Variants in GPC5 observed in about 807,000 individuals in gnomAD.
The protein encoded by GPC5 is glypican-5.
Under a neutral mutation model 53.9 loss-of-function variants are expected in GPC5, and 47 were observed. That is an observed-to-expected ratio of 0.87 (90% CI 0.69 to 1.11). GPC5 has a LOEUF of 1.11. GPC5 is among the 50% of genes most tolerant of loss of function. GPC5 has a pLI of 0.00. For missense variants in GPC5, 748 were observed against 713.1 expected (o/e 1.05, Z -0.56); for synonymous variants, 286 against 263.3 (o/e 1.09, Z -0.84).
Position 91,448,810 on chromosome 13 carries a change from G to A in GPC5, c.213G>A (p.Arg71=), listed in dbSNP as rs773909450. The change falls in exon 2 of 8, where the codon AGG becomes AGA. Residue 71 remains arginine, a synonymous_variant. Coordinates refer to ENST00000377067, the MANE Select transcript of GPC5 (RefSeq NM_004466.6). ...CISKKPTCCT[R]KMEERYQIAA... ...CCAAAAAGCCTACATGTTGCACCAG[G>A]AAGATGGAGGAGAGATATCAGATTG... 3 of 1,613,770 alleles carry A rather than the reference G, an allele frequency of 1.9e-6. No homozygotes were observed. The highest frequency in any genetic ancestry group is 1.7e-6 in the Non-Finnish European group (2 of 1,179,788).
chr13:92,270,813 T>C (rs2042834564), intron 7 of GPC5, among the ~76,000 whole-genome samples: 1 of 152,170 alleles, frequency 6.6e-6, no homozygotes, highest in Non-Finnish European at 1.5e-5. Flanking sequence ...AAAGCTAAAC[T>C]CCTTTTTAAA....
intron 7 of GPC5, among the ~76,000 whole-genome samples, chr13:92,694,877 C>T (rs1330397243): frequency 6.6e-6 from 1 of 152,180 alleles, no homozygotes; most frequent in African/African-American, 2.4e-5. Flanking sequence ...CCATCTCCTA[C>T]TGTAATCCCC....
chr13:92,429,831 A>T (rs935916535), intron 7 of GPC5, among the ~76,000 whole-genome samples: 1 of 152,274 alleles, frequency 6.6e-6, no homozygotes, highest in East Asian at 1.9e-4. Context: ...GCGTAATACT[A>T]ATTTTTTTAC....
chr13:92,426,159 T>C (rs1481188508), intron 7 of GPC5, among the ~76,000 whole-genome samples: 1 of 152,106 alleles, frequency 6.6e-6, no homozygotes, highest in Non-Finnish European at 1.5e-5. Context: ...GTTCATTTTA[T>C]TTAGAGAATA....
chr13:92,169,984 T>A (rs777968264), intron 7 of GPC5, among the ~76,000 whole-genome samples: 1 of 151,996 alleles, frequency 6.6e-6, no homozygotes, highest in Non-Finnish European at 1.5e-5. Flanking sequence ...CACATTCTTA[T>A]AATCAATAGC....
intron 7 of GPC5, among the ~76,000 whole-genome samples, chr13:92,393,280 T>TA (rs548136531): frequency 1.5e-4 from 23 of 151,624 alleles, no homozygotes; most frequent in East Asian, 5.8e-4. Context: ...CATTATTCTT[T>TA]AAAAAAAAAC....
intron 7 of GPC5, among the ~76,000 whole-genome samples, chr13:92,637,092 G>A (rs1201853575): frequency 2.0e-5 from 3 of 152,142 alleles, no homozygotes; most frequent in East Asian, 3.9e-4. Flanking sequence ...CCTTGGTTAC[G>A]ACCCCCAAAA....
chr13:91,528,561 T>C (rs1886192670), intron 2 of GPC5, among the ~76,000 whole-genome samples: 1 of 152,222 alleles, frequency 6.6e-6, no homozygotes. Flanking sequence ...CGTCTTCTTT[T>C]GAGCCCTCAA....
chr13:92,170,650 C>G, intron 7 of GPC5, among the ~76,000 whole-genome samples: 1 of 151,974 alleles, frequency 6.6e-6, no homozygotes, highest in Non-Finnish European at 1.5e-5. Flanking sequence ...GTTTTGAACT[C>G]GTGACCTCAG....
intron 2 of GPC5, among the ~76,000 whole-genome samples, chr13:91,503,817 A>AATAATAATAATCATC (rs1555316221): frequency 2.3e-4 from 34 of 147,418 alleles, no homozygotes; most frequent in African/African-American, 7.7e-4. Flanking sequence ...TAATAATAAT[A>AATAATAATAATCATC]ATCAGGCTGT....
At position 91,626,752 on chromosome 13, in the gene GPC5, G is replaced by A. The variant is rs149680113; in HGVS notation, c.326-66435G>A. 2.6e-3 allele frequency among the ~76,000 whole-genome samples: 399 copies of A among 152,014 alleles called. 3 individuals carry two copies. The highest frequency in any genetic ancestry group is 9.1e-3 in the African/African-American group (377 of 41,476). The stretch of plus-strand genomic sequence containing the variant: ...TGTTACATATGTAAACATGTGACAC[G>A]TTGGTGTGCTGCACCCATTAACTCG... On this transcript the variant is annotated intron_variant, in intron 2 of 7. Coordinates refer to ENST00000377067, the MANE Select transcript of GPC5 (RefSeq NM_004466.6).
At chr13:92,618,513 A>C (rs1327316727) in intron 7 of GPC5, among the ~76,000 whole-genome samples, 1 of 152,020 alleles carries the variant, frequency 6.6e-6, no homozygotes, top group African/African-American at 2.4e-5. Context: ...AGTAAGATAC[A>C]CCATGGGTAA....
intron 7 of GPC5, among the ~76,000 whole-genome samples, chr13:92,641,829 G>T (rs1434716820): frequency 1.3e-5 from 2 of 152,104 alleles, no homozygotes; most frequent in Admixed American, 1.3e-4. Flanking sequence ...TTGGCACTTT[G>T]GGCAGAAAGG....
intron 7 of GPC5, among the ~76,000 whole-genome samples, chr13:92,506,933 C>G (rs560801119): frequency 6.6e-6 from 1 of 152,282 alleles, no homozygotes; most frequent in African/African-American, 2.4e-5. Flanking sequence ...GATCATTGCA[C>G]TTAAGATATT....
intron 5 of GPC5, among the ~76,000 whole-genome samples, chr13:91,872,913 A>G (rs1417257631): frequency 6.6e-6 from 1 of 152,206 alleles, no homozygotes; most frequent in Non-Finnish European, 1.5e-5. Context: ...TGATGGTTTT[A>G]CTTAAAAAAC....
chr13:91,754,643 G>T (rs1256658481), intron 4 of GPC5, among the ~76,000 whole-genome samples: 1 of 152,038 alleles, frequency 6.6e-6, no homozygotes, highest in East Asian at 1.9e-4. Flanking sequence ...CACACATCCT[G>T]CCATTCATTA....
At chr13:91,783,826 C>A (rs1465129743) in intron 5 of GPC5, among the ~76,000 whole-genome samples, 1 of 152,098 alleles carries the variant, frequency 6.6e-6, no homozygotes, top group African/African-American at 2.4e-5. Flanking sequence ...CTACTAAAGT[C>A]AATAATTAGC....
chr13:92,183,784 C>T (rs2042164207), intron 7 of GPC5, among the ~76,000 whole-genome samples: 1 of 151,858 alleles, frequency 6.6e-6, no homozygotes, highest in Non-Finnish European at 1.5e-5. Context: ...ATTTTAGGTG[C>T]ATATTTTGGT....
chr13:92,573,184 G>A (rs1025711765), intron 7 of GPC5, among the ~76,000 whole-genome samples: 5 of 152,084 alleles, frequency 3.3e-5, no homozygotes, highest in Non-Finnish European at 5.9e-5. Context: ...TTTAAAGATC[G>A]TGGCTACTGG....
Sources: gnomAD v4.1 joint callset for allele counts (sites outside exome capture counted in the v4.1 genomes callset) on GRCh38, gnomAD v4.1.1 for gene constraint, MANE v1.5 for transcripts, NCBI Gene and HGNC (gene_info 2026-07-23, HGNC 2026-07-21) for gene names.